NUP210: variants seen among roughly 807,000 people sequenced by gnomAD.
NUP210 encodes the protein nucleoporin 210, also known as nuclear pore membrane glycoprotein 210.
NUP210 carries 151 observed loss-of-function variants against 196.0 expected under a neutral mutation model. The observed-to-expected ratio is 0.77, with a 90% confidence interval of 0.67 to 0.88. The LOEUF is 0.88. Ranked by LOEUF, NUP210 falls within the 40% of genes least tolerant of loss-of-function variation. The pLI is 0.00. For missense variants in NUP210, 2,314 were observed against 2,493.7 expected, an observed-to-expected ratio of 0.93 and a Z score of 1.53; for synonymous variants, 1,070 against 1,052.7, an observed-to-expected ratio of 1.02 and a Z score of -0.32.
chr3:13,351,578 C>T (rs555374060), intron 20 of NUP210: 16 of 321,248 alleles, frequency 5.0e-5, no homozygotes, highest in Admixed American at 2.4e-4. Flanking sequence ...CCTCAACCTC[C>T]GGGGCTCAAG....
rs1697533982 is a variant in NUP210, at chr3:13,342,129, T to C, written c.2965-6A>G. 6.2e-7 allele frequency: 1 copy of C among 1,613,976 alleles called. No individual in the cohort carries two copies. Among genetic ancestry groups the C allele is most frequent in the Non-Finnish European group, 8.5e-7 (1 of 1,179,908 alleles). The stretch of plus-strand genomic sequence containing the variant: ...ACTGTCTTCCCAATCTCCACCTGCA[T>C]CATGGGGACAGAGGTTCAGGGGCAG... On this transcript the variant is annotated splice_polypyrimidine_tract_variant and splice_region_variant and intron_variant, in intron 21 of 39. Coordinates refer to ENST00000254508, the MANE Select transcript of NUP210 (RefSeq NM_024923.4).
chr3:13,391,381 T>C, intron 3 of NUP210, 74 bp from the exon 4 acceptor site: 1 of 942,154 alleles, frequency 1.1e-6, no homozygotes. Context: ...TGATGGGAGC[T>C]TCTGCCCCAT....
chr3:13,418,585 T>G (rs1700422560), intron 1 of NUP210, among the ~76,000 whole-genome samples: 1 of 151,568 alleles, frequency 6.6e-6, no homozygotes, highest in South Asian at 2.1e-4. Flanking sequence ...ATCCAGAGTT[T>G]GAGACCAGCC....
rs369950513 is a variant in NUP210, at chr3:13,351,970, C to A, written c.2744G>T (p.Arg915Leu). Residue 915 changes from arginine (R) to leucine (L), a missense_variant, in exon 20 of 40, where the codon CGC becomes CTC. Arg to Leu is a moderately radical substitution (Grantham distance 102). Coordinates refer to ENST00000254508, the MANE Select transcript of NUP210 (RefSeq NM_024923.4). ...YNHPGIQAEL[R>L]IREGSGYFFL... ...GAAGTAACCTGAGCCTTCCCTGATG[C>A]GGAGCTCTGCCTGCAGGAGGCAGAT... 6.2e-7 allele frequency: 1 copy of A among 1,610,688 alleles called. No individual in the cohort carries two copies.
chr3:13,365,766 G>C (rs1382219263), intron 14 of NUP210, among the ~76,000 whole-genome samples, 180 bp downstream of exon 14: 1 of 152,254 alleles, frequency 6.6e-6, no homozygotes, highest in Non-Finnish European at 1.5e-5. Context: ...CCCCATCAGG[G>C]AGGCTCTGCT....
intron 14 of NUP210, among the ~76,000 whole-genome samples, chr3:13,363,201 T>G (rs1246015210): frequency 6.6e-6 from 1 of 152,206 alleles, no homozygotes; most frequent in African/African-American, 2.4e-5. Context: ...GATTATTAAC[T>G]GTCATCCCCA....
chr3:13,400,604 G>A (rs957262876), intron 1 of NUP210, among the ~76,000 whole-genome samples: 1 of 152,242 alleles, frequency 6.6e-6, no homozygotes, highest in Non-Finnish European at 1.5e-5. Flanking sequence ...ACGAGAGGCA[G>A]AGGACAGCAG....
chr3:13,337,497 T>C (rs1229008148), intron 26 of NUP210, among the ~76,000 whole-genome samples: 3 of 152,222 alleles, frequency 2.0e-5, no homozygotes, highest in Non-Finnish European at 4.4e-5. Context: ...GACACGAAGA[T>C]GGTTCTGACA....
In NUP210 at chr3:13,350,393, T is replaced by C. The variant is rs1697925394; in HGVS notation, c.2835+1486A>G. Among the ~76,000 whole-genome samples, 1 of 152,008 alleles carries C rather than the reference T, an allele frequency of 6.6e-6. No individual in the cohort carries two copies. The highest frequency in any genetic ancestry group is 2.4e-5 in the African/African-American group (1 of 41,360). ...GAATCAGTACCCAGAGTTTCTACAA[T>C]ACATTACCTAAAATGTCCAGTTTCC... On this transcript the variant is annotated intron_variant, in intron 20 of 39. Coordinates refer to ENST00000254508, the MANE Select transcript of NUP210 (RefSeq NM_024923.4). The surrounding 1 kb of genome is among the most constrained non-coding windows in gnomAD (Gnocchi z 4.1).
chr3:13,408,469 C>A lies in NUP210; in HGVS notation c.168-8608G>T, dbSNP rs1404879194. Among the ~76,000 whole-genome samples, 6 of 152,262 alleles carry A rather than the reference C, an allele frequency of 3.9e-5. No individual in the cohort carries two copies. In the East Asian group the frequency reaches 9.7e-4, roughly 24 times the overall value. On this transcript the variant is annotated intron_variant, in intron 1 of 39. Coordinates refer to ENST00000254508, the MANE Select transcript of NUP210 (RefSeq NM_024923.4). Reference sequence around the variant, plus strand: ...TCTTTCACAGAATTTACAGACAAGGCCATCTGGGCTTACAGTTTTCTTTAT... The same window carrying A: ...TCTTTCACAGAATTTACAGACAAGGACATCTGGGCTTACAGTTTTCTTTAT...
intron 16 of NUP210, 104 bp from the exon 17 acceptor site, chr3:13,354,211 G>A (rs753215474): frequency 2.5e-5 from 25 of 983,276 alleles, no homozygotes; most frequent in Non-Finnish European, 3.6e-5. Flanking sequence ...TGGGCTCTTG[G>A]GGGTGCTGGT....
At chr3:13,357,118 C>T (rs1245859325) in intron 16 of NUP210, among the ~76,000 whole-genome samples, 1 of 152,224 alleles carries the variant, frequency 6.6e-6, no homozygotes, top group African/African-American at 2.4e-5. Flanking sequence ...TCTCCACCCA[C>T]GAGTCTGCAA....
intron 1 of NUP210, among the ~76,000 whole-genome samples, chr3:13,412,629 G>A (rs1022438397): frequency 3.3e-5 from 5 of 151,798 alleles, no homozygotes; most frequent in East Asian, 3.9e-4. Flanking sequence ...CAGGAGAATC[G>A]CTTGAACCTG....
rs1409447575 is a variant in NUP210 at position 13,375,298 on chromosome 3, AT to A, written c.1431+205del. On this transcript the variant is annotated intron_variant, in intron 11 of 39. Transcript: ENST00000254508. ...GCCACCGCACCCTGCCTTATTCTCA[AT>A]TTTTTCATTGTTGGTTTTTGTTGTT... 7.2e-5 allele frequency among the ~76,000 whole-genome samples: 11 copies of A among 151,844 alleles called. 1 individual carries two copies. Among genetic ancestry groups the A allele is most frequent in the African/African-American group, 2.7e-4 (11 of 41,386 alleles).
Position 13,323,485 on chromosome 3 carries a change from T to C in NUP210, c.4645-53A>G, listed in dbSNP as rs546100532. ...GGAGCGCCGCCTGTGTCCCGGTCCATGCTGGGCGTTTCCACAACCTCACCC... is the reference window on the plus strand; with the variant it reads ...GGAGCGCCGCCTGTGTCCCGGTCCACGCTGGGCGTTTCCACAACCTCACCC... On this transcript the variant is annotated intron_variant, in intron 33 of 39. Coordinates refer to ENST00000254508, the MANE Select transcript of NUP210 (RefSeq NM_024923.4). This position sits in a 1 kb window ranked among gnomAD's most constrained non-coding sequence, Gnocchi z 4.3. 1,029 of 1,601,886 alleles carry C rather than the reference T, an allele frequency of 6.4e-4. 6 individuals are homozygous for C. The African/African-American group carries it at 6.8e-3, about 11-fold the overall frequency.
At chr3:13,391,391 T>C (rs1699487785) in intron 3 of NUP210, 84 bp from the exon 4 acceptor site, 1 of 836,764 alleles carries the variant, frequency 1.2e-6, no homozygotes, top group South Asian at 1.5e-5. Context: ...TTCTGCCCCA[T>C]GCAGGAACCA....
intron 16 of NUP210, chr3:13,354,422 G>A (rs1698097086): frequency 2.7e-6 from 1 of 365,216 alleles, no homozygotes; most frequent in Non-Finnish European, 5.1e-6. Context: ...ATCTACTCGG[G>A]AGAGGTCCAT....
chr3:13,367,890 G>A (rs1257703356), intron 13 of NUP210, among the ~76,000 whole-genome samples: 2 of 152,134 alleles, frequency 1.3e-5, no homozygotes, highest in African/African-American at 4.8e-5. Flanking sequence ...CCTTCCTCTT[G>A]GGGGACACAC....
Position 13,388,313 on chromosome 3 carries a change from G to A in NUP210, c.674C>T (p.Ala225Val). 3.1e-6 allele frequency: 5 copies of A among 1,606,824 alleles called. No homozygotes were observed. The highest frequency in any genetic ancestry group is 4.2e-6 in the Non-Finnish European group (5 of 1,177,142). The change falls in exon 5 of 40, where the codon GCT becomes GTT. Residue 225 changes from alanine (A) to valine (V), a missense_variant. Coordinates refer to ENST00000254508, the MANE Select transcript of NUP210 (RefSeq NM_024923.4). ...SSKLKARIQE[A>V]VYKNVRPAEV... ...GCGCCCCAGGCCCACCTTGTAGACA[G>A]CCTCCTGGATGCGAGCCTTGAGCTT... is the stretch of plus-strand genomic sequence containing the variant.
Sources: gnomAD v4.1 joint callset for allele counts (sites outside exome capture counted in the v4.1 genomes callset) on GRCh38, gnomAD v4.1.1 for gene constraint, Gnocchi (gnomAD v3.1) non-coding constraint, MANE v1.5 for transcripts, NCBI Gene and HGNC (gene_info 2026-07-23, HGNC 2026-07-21) for gene names.